The following CFHR5 variants were observed in gnomAD, a reference collection of about 807,000 sequenced individuals.
CFHR5 encodes complement factor H related 5.
CFHR5 carries 73 observed loss-of-function variants against 62.9 expected under a neutral mutation model. That is an observed-to-expected ratio of 1.16 (90% CI 0.96 to 1.41). CFHR5 has a LOEUF of 1.41. Ranked by LOEUF, CFHR5 falls within the 40% of genes most tolerant of loss-of-function variation. The pLI, the probability that CFHR5 is intolerant of heterozygous loss-of-function variation, is 0.00. For missense variants in CFHR5, 779 were observed against 679.9 expected, an observed-to-expected ratio of 1.15 and a Z score of -1.62; for synonymous variants, 249 against 227.2, an observed-to-expected ratio of 1.10 and a Z score of -0.86.
chr1:197,007,035 C>T (rs150279830), intron 9 of CFHR5, among the ~76,000 whole-genome samples: 2,038 of 151,628 alleles, frequency 0.013, 44 homozygotes, highest in African/African-American at 0.045. Context: ...CAGGGTTTCA[C>T]CCTGTTGGCC....
chr1:196,995,162 C>T (rs1241178076), intron 4 of CFHR5, among the ~76,000 whole-genome samples: 1 of 152,050 alleles, frequency 6.6e-6, no homozygotes, highest in African/African-American at 2.4e-5. Context: ...ATATAACTTT[C>T]AGATTATTGA....
At chr1:196,989,716 T>C (rs990514823) in intron 3 of CFHR5, among the ~76,000 whole-genome samples, 2 of 152,214 alleles carry the variant, frequency 1.3e-5, no homozygotes, top group Non-Finnish European at 2.9e-5. Flanking sequence ...CTAACTTGCT[T>C]GCACTGTGGT....
At chr1:196,997,877 C>T (rs1654036107) in intron 6 of CFHR5, among the ~76,000 whole-genome samples, 2 of 152,094 alleles carry the variant, frequency 1.3e-5, no homozygotes, top group African/African-American at 4.8e-5. Context: ...TCAAAACTCC[C>T]ACTAGGAAAA....
intron 7 of CFHR5, among the ~76,000 whole-genome samples, chr1:197,000,090 G>A (rs1654108313): frequency 6.6e-6 from 1 of 151,344 alleles, no homozygotes; most frequent in South Asian, 2.1e-4. Flanking sequence ...TGAAATACAG[G>A]GAATAATAAT....
chr1:197,004,895 T>G (rs1240137368), intron 9 of CFHR5, 52 bp downstream of exon 9: 2 of 1,411,158 alleles, frequency 1.4e-6, no homozygotes, highest in African/African-American at 2.9e-5. Context: ...TATAGTGTAA[T>G]TTTTTTGGAC....
At chr1:196,976,881 G>C (rs1046766300), upstream of CFHR5, among the ~76,000 whole-genome samples, 1 of 142,102 alleles carries the variant, frequency 7.0e-6, no homozygotes, top group Non-Finnish European at 1.5e-5. Flanking sequence ...CTCCACTCAC[G>C]GCAAGCTCTG....
rs1654258076 is a variant in CFHR5, at chr1:197,005,259, AAC to A, written c.1513+419_1513+420del. On this transcript the variant is annotated intron_variant, in intron 9 of 9. Coordinates refer to ENST00000256785, the MANE Select transcript of CFHR5 (RefSeq NM_030787.4). ...TAAACCTGAAAGCTTTCCCTAGTAG[AAC>A]ACCTAGTTGACTAATACTGACATGG... 2.0e-5 allele frequency among the ~76,000 whole-genome samples: 3 copies of A among 152,162 alleles called. No homozygotes were observed. In the South Asian group the frequency reaches 6.2e-4, roughly 32 times the overall value.
chr1:196,976,146 T>C (rs1653390399), upstream of CFHR5, among the ~76,000 whole-genome samples: 2 of 152,172 alleles, frequency 1.3e-5, no homozygotes, highest in South Asian at 2.1e-4. Context: ...CTAGAATCAA[T>C]AGTGGAGACT....
chr1:196,984,728 G>A lies in CFHR5; in HGVS notation c.430+591G>A, dbSNP rs80038913. 6.0e-3 allele frequency among the ~76,000 whole-genome samples: 906 copies of A among 152,172 alleles called. 17 individuals are homozygous for A. The highest frequency in any genetic ancestry group is 0.021 in the African/African-American group (870 of 41,508). ...AATTGTTCTTTGCCCAGCCCAATGC[G>A]ATTCCATCCTATGCTTACACACCTC... On this transcript the variant is annotated intron_variant, in intron 3 of 9. Coordinates refer to ENST00000256785, the MANE Select transcript of CFHR5 (RefSeq NM_030787.4).
intron 6 of CFHR5, among the ~76,000 whole-genome samples, 195 bp downstream of exon 6, chr1:196,996,396 T>A (rs997220806): frequency 4.6e-5 from 7 of 152,190 alleles, no homozygotes; most frequent in Admixed American, 4.6e-4. Context: ...TTGTTATTAC[T>A]GCACAGATTT....
At chr1:196,986,163 G>A (rs1398054141) in intron 3 of CFHR5, among the ~76,000 whole-genome samples, 1 of 152,072 alleles carries the variant, frequency 6.6e-6, no homozygotes, top group Non-Finnish European at 1.5e-5. Flanking sequence ...AGTTAATAAA[G>A]TTTCAGGGCA....
intron 1 of CFHR5, 22 bp from the exon 2 acceptor site, chr1:196,982,863 A>C: frequency 6.3e-7 from 1 of 1,593,636 alleles, no homozygotes; most frequent in African/African-American, 1.3e-5. Context: ...TTAATTCTTC[A>C]GTTTTGTGTT....
At chr1:196,983,815 A>T (rs1653605592) in intron 2 of CFHR5, 146 bp from the exon 3 acceptor site, 3 of 572,296 alleles carry the variant, frequency 5.2e-6, no homozygotes, top group Admixed American at 3.1e-5. Flanking sequence ...ATATTTCATC[A>T]TTTATACGGT....
At chr1:196,977,915 C>A (rs913646435) in intron 1 of CFHR5, among the ~76,000 whole-genome samples, 193 bp downstream of exon 1, 1 of 152,128 alleles carries the variant, frequency 6.6e-6, no homozygotes, top group Non-Finnish European at 1.5e-5. Context: ...GAAATTAATT[C>A]TCTCCGTTCT....
At chr1:196,993,519 A>G (rs945580122) in intron 3 of CFHR5, among the ~76,000 whole-genome samples, 1 of 150,966 alleles carries the variant, frequency 6.6e-6, no homozygotes, top group Non-Finnish European at 1.5e-5. Flanking sequence ...CTAGTCTTGA[A>G]CTCCTGACCT....
chr1:197,002,418 A>ATTGAGCTGTTCCATT (rs1654175868), intron 7 of CFHR5, 64 bp from the exon 8 acceptor site: 1 of 1,212,710 alleles, frequency 8.2e-7, no homozygotes, highest in Non-Finnish European at 1.2e-6. Context: ...CTGAAACACT[A>ATTGAGCTGTTCCATT]CCCTATTGAG....
intron 1 of CFHR5, among the ~76,000 whole-genome samples, chr1:196,979,851 C>G (rs1467466389): frequency 6.6e-6 from 1 of 151,982 alleles, no homozygotes; most frequent in Non-Finnish European, 1.5e-5. Flanking sequence ...ATTTTTAAAA[C>G]TTTTCTTCAA....
chr1:196,996,074 G>C lies in CFHR5; in HGVS notation c.843G>C (p.Gln281His), dbSNP rs1653983376. The C allele has an allele frequency of 6.2e-7, 1 of 1,613,740 alleles. No individual in the cohort carries two copies. The highest frequency in any genetic ancestry group is 1.3e-5 in the African/African-American group (1 of 74,884). Residue 281 changes from glutamine to histidine, a missense_variant, in exon 6 of 10, where the codon CAG (glutamine) becomes CAC (histidine). By Grantham distance (24) the Gln-to-His change is conservative. Coordinates refer to ENST00000256785, the MANE Select transcript of CFHR5 (RefSeq NM_030787.4). ...CTGAACTCGAGTACGGTTATGTTCA[G>C]CCGTCTGTCCCTCCCTATCAACATG... ...YIPELEYGYV[Q>H]PSVPPYQHGV... is the part of the protein sequence containing the mutation.
intron 3 of CFHR5, among the ~76,000 whole-genome samples, chr1:196,990,934 C>T (rs1004755595): frequency 3.3e-5 from 5 of 152,042 alleles, no homozygotes; most frequent in Admixed American, 6.6e-5. Context: ...TAAGGAAGTT[C>T]CCCTGGATAA....
Sources: gnomAD v4.1 joint callset for allele counts (sites outside exome capture counted in the v4.1 genomes callset) on GRCh38, gnomAD v4.1.1 for gene constraint, MANE v1.5 for transcripts, NCBI Gene and HGNC (gene_info 2026-07-23, HGNC 2026-07-21) for gene names.